Variants in SULF1 observed in about 807,000 individuals in gnomAD.
The protein encoded by SULF1 is sulfatase 1.
Under a neutral mutation model 110.5 loss-of-function variants are expected in SULF1, and 46 were observed. The ratio of observed to expected loss-of-function variants is 0.42; its 90% CI spans 0.33 to 0.53. The LOEUF (loss-of-function observed/expected upper bound fraction) is 0.53, where lower values mean the gene tolerates loss of function less well. Among genes scored for constraint, SULF1 ranks in the 20% least tolerant of loss-of-function variants. The pLI is 0.12. For missense variants in SULF1, 941 were observed against 1,094.2 expected, an observed-to-expected ratio of 0.86 and a Z score of 1.98; for synonymous variants, 371 against 387.1, an observed-to-expected ratio of 0.96 and a Z score of 0.49.
At chr8:69,630,342 T>C (rs926312253) in intron 19 of SULF1, among the ~76,000 whole-genome samples, 1 of 152,302 alleles carries the variant, frequency 6.6e-6, no homozygotes, top group South Asian at 2.1e-4. Context: ...CATCCTCTGA[T>C]TGAAGCTTAC....
chr8:69,467,922 C>G (rs914690063), intron 1 of SULF1, among the ~76,000 whole-genome samples: 1 of 151,952 alleles, frequency 6.6e-6, no homozygotes, highest in African/African-American at 2.4e-5. Flanking sequence ...AAGCACCCAC[C>G]AATATTGAAT....
chr8:69,594,751 C>T (rs550247229), intron 8 of SULF1, among the ~76,000 whole-genome samples: 1 of 152,118 alleles, frequency 6.6e-6, no homozygotes, highest in Admixed American at 6.5e-5. Flanking sequence ...TCATTGCTCC[C>T]TTTTCTCTGT....
chr8:69,621,595 T>C (rs571755495), intron 14 of SULF1, among the ~76,000 whole-genome samples: 61 of 152,394 alleles, frequency 4.0e-4, no homozygotes, highest in African/African-American at 1.4e-3. Context: ...TCTCCTGACT[T>C]GTCTGCCTGA....
chr8:69,539,052 T>C (rs1403760264), intron 3 of SULF1, among the ~76,000 whole-genome samples: 1 of 152,210 alleles, frequency 6.6e-6, no homozygotes, highest in African/African-American at 2.4e-5. Context: ...GGATCCCGTC[T>C]AGTGTCCAGG....
intron 5 of SULF1, among the ~76,000 whole-genome samples, chr8:69,575,099 G>A (rs572059298): frequency 6.6e-6 from 1 of 152,272 alleles, no homozygotes; most frequent in South Asian, 2.1e-4. Flanking sequence ...TACACTTCTT[G>A]ACAAGTCCTG....
chr8:69,582,056 A>C (rs1473874074), intron 6 of SULF1, among the ~76,000 whole-genome samples: 1 of 152,248 alleles, frequency 6.6e-6, no homozygotes, highest in Non-Finnish European at 1.5e-5. Flanking sequence ...GGATTAAGTC[A>C]AAGGGGAATG....
Position 69,623,807 on chromosome 8 carries a change from C to A in SULF1, c.1595-135C>A. On this transcript the variant is annotated intron_variant, in intron 14 of 22. Transcript: ENST00000402687. ...AACCTCTGCTACCGTGAATTGCAGG[C>A]ACCACGATGCCACTCAGCAATGCAG... is the stretch of plus-strand genomic sequence containing the variant. 3.9e-6 allele frequency: 4 copies of A among 1,013,552 alleles called. No homozygotes were observed. In the South Asian group the frequency reaches 7.5e-5, roughly 19 times the overall value. The allele number at this position is 1,013,552 out of a possible 1,614,324, so 62.8% of individuals were successfully genotyped here. A position where few individuals can be genotyped will look rare whatever the true frequency, so the allele number is the denominator to read the frequency against.
chr8:69,507,553 T>G (rs1346249765), intron 3 of SULF1, among the ~76,000 whole-genome samples: 2 of 152,292 alleles, frequency 1.3e-5, no homozygotes, highest in East Asian at 3.9e-4. Context: ...AATTAGGTGG[T>G]GGGGTCAAAT....
At chr8:69,555,994 G>T (rs980716711) in intron 3 of SULF1, among the ~76,000 whole-genome samples, 1 of 152,070 alleles carries the variant, frequency 6.6e-6, no homozygotes, top group Non-Finnish European at 1.5e-5. Context: ...AAAAATCCCC[G>T]AATCTGTCGA....
intron 3 of SULF1, among the ~76,000 whole-genome samples, chr8:69,504,120 C>T (rs576481221): frequency 2.2e-4 from 33 of 152,246 alleles, no homozygotes; most frequent in South Asian, 6.2e-4. Flanking sequence ...TCTACAATGC[C>T]ATGTTGTTTG....
chr8:69,571,663 C>T (rs1047098813), intron 5 of SULF1, among the ~76,000 whole-genome samples: 1 of 152,172 alleles, frequency 6.6e-6, no homozygotes, highest in African/African-American at 2.4e-5. Flanking sequence ...AAAACTGAGC[C>T]CTTCCACTTA....
intron 3 of SULF1, among the ~76,000 whole-genome samples, chr8:69,541,373 T>C (rs529002256): frequency 6.6e-6 from 1 of 152,226 alleles, no homozygotes; most frequent in Admixed American, 6.5e-5. Flanking sequence ...TGAAGGAACA[T>C]GAAAGAGCAT....
At chr8:69,555,482 G>A (rs1462817019) in intron 3 of SULF1, among the ~76,000 whole-genome samples, 1 of 152,096 alleles carries the variant, frequency 6.6e-6, no homozygotes, top group Admixed American at 6.5e-5. Flanking sequence ...TATGGTGAAA[G>A]CCCGTCTCTA....
chr8:69,655,423 T>C (rs1812651249), intron 22 of SULF1, among the ~76,000 whole-genome samples: 1 of 152,224 alleles, frequency 6.6e-6, no homozygotes, highest in Non-Finnish European at 1.5e-5. Context: ...TTACTCTTGC[T>C]CCCTTGTACT....
chr8:69,606,319 A>G (rs994348753), intron 13 of SULF1, among the ~76,000 whole-genome samples: 5 of 152,228 alleles, frequency 3.3e-5, no homozygotes, highest in African/African-American at 1.2e-4. Context: ...TAGTGGAGAA[A>G]AGCTGAGACC....
intron 22 of SULF1, among the ~76,000 whole-genome samples, chr8:69,652,703 T>G (rs1812433288): frequency 6.6e-6 from 1 of 152,230 alleles, no homozygotes; most frequent in African/African-American, 2.4e-5. Context: ...CCTACTCTTG[T>G]GCCCATCACT....
intron 8 of SULF1, chr8:69,592,971 G>A (rs1412671724): frequency 1.0e-5 from 10 of 987,394 alleles, no homozygotes; most frequent in Non-Finnish European, 1.2e-5. Flanking sequence ...CCAGGTGCAA[G>A]TATGTGCTAT....
chr8:69,495,207 A>G (rs1409104254), intron 1 of SULF1, among the ~76,000 whole-genome samples: 1 of 151,874 alleles, frequency 6.6e-6, no homozygotes, highest in African/African-American at 2.4e-5. Context: ...GTAAAAATAA[A>G]AAGCAATTTT....
chr8:69,510,440 C>T (rs558535498), intron 3 of SULF1, among the ~76,000 whole-genome samples: 3 of 152,166 alleles, frequency 2.0e-5, no homozygotes, highest in African/African-American at 7.2e-5. Context: ...CCATCAACTT[C>T]ATTATGCTGT....
Sources: gnomAD v4.1 joint callset for allele counts (sites outside exome capture counted in the v4.1 genomes callset) on GRCh38, gnomAD v4.1.1 for gene constraint, MANE v1.5 for transcripts, NCBI Gene and HGNC (gene_info 2026-07-23, HGNC 2026-07-21) for gene names.